Variants in CNTNAP4 observed in about 807,000 individuals in gnomAD.
CNTNAP4 encodes contactin associated protein family member 4, also known as contactin-associated protein-like 4.
CNTNAP4 carries 98 observed loss-of-function variants against 148.4 expected under a neutral mutation model. The ratio of observed to expected loss-of-function variants is 0.66; its 90% CI spans 0.56 to 0.78. The LOEUF is 0.78. CNTNAP4 is among the 30% of genes least tolerant of loss of function. The probability of loss-of-function intolerance (pLI) is 0.00; values close to 1 mark genes in which losing one functional copy is unlikely to be tolerated. For missense variants in CNTNAP4, 1,935 were observed against 1,565.6 expected (o/e 1.24, Z -3.98); for synonymous variants, 730 against 565.1 (o/e 1.29, Z -4.14).
At chr16:76,522,694 T>G (rs1568497162) in intron 17 of CNTNAP4, among the ~76,000 whole-genome samples, 1 of 17,320 alleles carries the variant, frequency 5.8e-5, no homozygotes, top group Non-Finnish European at 9.7e-5. Context: ...CTCCTTTCTT[T>G]TCTTTTCTTT....
intron 15 of CNTNAP4, among the ~76,000 whole-genome samples, chr16:76,510,669 C>A (rs1040323567): frequency 6.6e-6 from 1 of 152,038 alleles, no homozygotes; most frequent in African/African-American, 2.4e-5. Flanking sequence ...TTCTAAATGT[C>A]TTTTTAGTTG....
intron 1 of CNTNAP4, among the ~76,000 whole-genome samples, chr16:76,292,437 G>T (rs1959152259): frequency 6.6e-6 from 1 of 152,136 alleles, no homozygotes; most frequent in African/African-American, 2.4e-5. Flanking sequence ...AATTGGTCTT[G>T]TCATTTATAG....
intron 3 of CNTNAP4, among the ~76,000 whole-genome samples, chr16:76,380,180 A>G (rs1423144905): frequency 6.6e-6 from 1 of 152,232 alleles, no homozygotes; most frequent in Non-Finnish European, 1.5e-5. Flanking sequence ...GGCATACACT[A>G]AAGTTATTTC....
intron 2 of CNTNAP4, among the ~76,000 whole-genome samples, chr16:76,341,831 G>C (rs555971976): frequency 6.6e-6 from 1 of 152,124 alleles, no homozygotes; most frequent in African/African-American, 2.4e-5. Context: ...GCTTTTTAGC[G>C]AAAGTAAAGA....
intron 2 of CNTNAP4, among the ~76,000 whole-genome samples, chr16:76,337,792 C>T (rs1457634079): frequency 1.3e-5 from 2 of 152,146 alleles, no homozygotes; most frequent in Non-Finnish European, 2.9e-5. Flanking sequence ...CCTGGGAATG[C>T]ATTCCTTCCC....
intron 2 of CNTNAP4, among the ~76,000 whole-genome samples, chr16:76,348,885 G>T (rs11865753): frequency 0.3 from 44,962 of 151,256 alleles, 7,798 homozygotes; most frequent in East Asian, 0.47. Context: ...GGGGTCAAGA[G>T]AAGTTTTTTT....
intron 3 of CNTNAP4, among the ~76,000 whole-genome samples, chr16:76,387,671 G>A (rs1436010585): frequency 2.0e-5 from 3 of 152,112 alleles, no homozygotes; most frequent in African/African-American, 7.2e-5. Flanking sequence ...CAGCAAAGAA[G>A]AAATGAAAAT....
intron 23 of CNTNAP4, among the ~76,000 whole-genome samples, chr16:76,554,848 A>C (rs1007322297): frequency 6.6e-6 from 1 of 152,084 alleles, no homozygotes; most frequent in Non-Finnish European, 1.5e-5. Flanking sequence ...GGAATTTAGA[A>C]AACTTCTCAT....
chr16:76,438,926 A>G (rs2079935446), intron 4 of CNTNAP4, among the ~76,000 whole-genome samples: 1 of 152,252 alleles, frequency 6.6e-6, no homozygotes, highest in South Asian at 2.1e-4. Flanking sequence ...GTACATGTGT[A>G]CATTTGTACA....
chr16:76,514,498 A>T (rs1002587550), intron 15 of CNTNAP4, among the ~76,000 whole-genome samples: 11 of 152,224 alleles, frequency 7.2e-5, no homozygotes, highest in African/African-American at 2.7e-4. Flanking sequence ...TTTTGATTAT[A>T]AAAACAAGTT....
intron 1 of CNTNAP4, among the ~76,000 whole-genome samples, chr16:76,294,609 C>T (rs1959192045): frequency 1.3e-5 from 2 of 152,092 alleles, no homozygotes. Context: ...TTTTTACATT[C>T]CTTGGATAGT....
intron 17 of CNTNAP4, among the ~76,000 whole-genome samples, chr16:76,523,274 G>A (rs1030135133): frequency 8.2e-6 from 1 of 122,652 alleles, no homozygotes; most frequent in Non-Finnish European, 1.6e-5. Flanking sequence ...TCAAAAACAG[G>A]CCAATAGCAA....
intron 16 of CNTNAP4, among the ~76,000 whole-genome samples, 188 bp from the exon 17 acceptor site, chr16:76,521,851 C>T (rs1386066630): frequency 6.6e-6 from 1 of 152,076 alleles, no homozygotes; most frequent in Non-Finnish European, 1.5e-5. Context: ...TTAACTGTCT[C>T]ATTTCACATC....
At chr16:76,510,980 A>T (rs550462857) in intron 15 of CNTNAP4, among the ~76,000 whole-genome samples, 1 of 152,250 alleles carries the variant, frequency 6.6e-6, no homozygotes, top group East Asian at 1.9e-4. Flanking sequence ...AAAGGTCACT[A>T]ATTTAACAAG....
At chr16:76,453,145 C>T (rs1266932494) in intron 8 of CNTNAP4, among the ~76,000 whole-genome samples, 1 of 152,164 alleles carries the variant, frequency 6.6e-6, no homozygotes, top group Admixed American at 6.5e-5. Context: ...TCCTAACACA[C>T]TTGTTAGTCT....
intron 18 of CNTNAP4, 27 bp from the exon 19 acceptor site, chr16:76,538,089 C>G: frequency 9.6e-7 from 1 of 1,041,394 alleles, no homozygotes; most frequent in East Asian, 3.3e-5. Context: ...AAATTTTTAA[C>G]AAAAATATAT....
Position 76,461,989 on chromosome 16 carries a change from T to C in CNTNAP4, c.1367T>C (p.Val456Ala). 1 of 1,613,874 alleles carries C rather than the reference T, an allele frequency of 6.2e-7. No homozygotes were observed. The highest frequency in any genetic ancestry group is 8.5e-7 in the Non-Finnish European group (1 of 1,179,792). Residue 456 changes from valine to alanine, a missense_variant, in exon 9 of 24, where the codon GTC becomes GCC. Physicochemically the swap from Val to Ala is moderately conservative, Grantham distance 64 (BLOSUM62 0). Coordinates refer to ENST00000611870, the MANE Select transcript of CNTNAP4 (RefSeq NM_033401.5). ...TTAAATGATGGGCAGTGGCATTCTG[T>C]CTCTTTATCTGCTAAAAAGAATCAC... is the stretch of plus-strand genomic sequence containing the variant. ...VELNDGQWHS[V>A]SLSAKKNHLS...
At chr16:76,390,510 A>T (rs1013848998) in intron 3 of CNTNAP4, among the ~76,000 whole-genome samples, 2 of 151,888 alleles carry the variant, frequency 1.3e-5, no homozygotes, top group African/African-American at 4.8e-5. Flanking sequence ...AGGCGTTCAC[A>T]GCCAGGGAAT....
Position 76,462,060 on chromosome 16 carries a change from C to T in CNTNAP4, c.1438C>T (p.Leu480=). 1 of 1,613,826 alleles carries T rather than the reference C, an allele frequency of 6.2e-7. No individual in the cohort carries two copies. Among genetic ancestry groups the T allele is most frequent in the South Asian group, 1.1e-5 (1 of 91,074 alleles). Residue 480 remains leucine, a synonymous_variant, in exon 9 of 24, where the codon CTG becomes TTG. Coordinates refer to ENST00000611870, the MANE Select transcript of CNTNAP4 (RefSeq NM_033401.5). ...DGQMASAAPL[L]GPEQIYSGGT... is the part of the protein sequence containing the mutation. ...CCAGATGGCTTCTGCTGCTCCTCTGCTGGGGCCTGAGCAGATTTATTCGGG... is the reference window on the plus strand; with the variant it reads ...CCAGATGGCTTCTGCTGCTCCTCTGTTGGGGCCTGAGCAGATTTATTCGGG...
Sources: gnomAD v4.1 joint callset for allele counts (sites outside exome capture counted in the v4.1 genomes callset) on GRCh38, gnomAD v4.1.1 for gene constraint, MANE v1.5 for transcripts, NCBI Gene and HGNC (gene_info 2026-07-23, HGNC 2026-07-21) for gene names.